Variants in FRY observed in about 807,000 individuals in gnomAD.
The protein encoded by FRY is FRY microtubule binding protein, also known as protein furry homolog.
In FRY, 128 loss-of-function variants were observed where a neutral mutation model predicts 348.4. The ratio of observed to expected loss-of-function variants is 0.37; its 90% CI spans 0.32 to 0.43. FRY has a LOEUF of 0.43. Ranked by LOEUF, FRY falls within the 20% of genes least tolerant of loss-of-function variation. The pLI is 1.00. For synonymous variants in FRY, 1,370 were observed against 1,374.7 expected (o/e 1.00, Z 0.08); for missense variants, 2,736 against 3,695.2 (o/e 0.74, Z 6.73).
chr13:32,265,554 C>T lies in FRY; in HGVS notation c.7884C>T (p.Ser2628=), dbSNP rs1359398792. The T allele has an allele frequency of 6.2e-7, 1 of 1,614,042 alleles. No individual in the cohort carries two copies. The highest frequency in any genetic ancestry group is 1.3e-5 in the African/African-American group (1 of 74,920). The part of the protein sequence containing the change: ...PAAFECSDSF[S]LDMTEGEEKG... ...CTTTTGAATGCAGCGACAGCTTTAGCCTGGACATGACTGAGGGGGAAGAAA... is the reference window on the plus strand; with the variant it reads ...CTTTTGAATGCAGCGACAGCTTTAGTCTGGACATGACTGAGGGGGAAGAAA... The change falls in exon 54 of 61, where the codon AGC becomes AGT. Residue 2628 remains serine, a synonymous_variant. Coordinates refer to ENST00000542859, the MANE Select transcript of FRY (RefSeq NM_023037.3).
rs1304139791 is a variant in FRY at position 32,171,074 on chromosome 13, T to G, written c.1955T>G (p.Leu652Arg). 2.5e-6 allele frequency: 4 copies of G among 1,612,454 alleles called. No individual in the cohort carries two copies. The Admixed American group carries it at 6.7e-5, about 27-fold the overall frequency. Residue 652 changes from leucine to arginine, a missense_variant, in exon 18 of 61, where the codon CTT (leucine) becomes CGT (arginine). By Grantham distance (102) the Leu-to-Arg change is moderately radical. Coordinates refer to ENST00000542859, the MANE Select transcript of FRY (RefSeq NM_023037.3). The part of the protein sequence containing the change: ...HIAQNSLQGL[L>R]VDFSDWREDV... ...GCACAAAATTCTCTTCAGGGTTTAC[T>G]TGTTGACTTCTCAGATTGGAGGGAA...
At chr13:32,094,959 C>G (rs1159594437) in intron 2 of FRY, among the ~76,000 whole-genome samples, 1 of 152,184 alleles carries the variant, frequency 6.6e-6, no homozygotes, top group Non-Finnish European at 1.5e-5. Flanking sequence ...AATTTACATT[C>G]CCACCAACCA....
chr13:32,223,328 C>T (rs1057271090), intron 36 of FRY, among the ~76,000 whole-genome samples: 3 of 152,144 alleles, frequency 2.0e-5, no homozygotes, highest in African/African-American at 7.2e-5. Context: ...GAATTCAACA[C>T]GATTTAATGT....
At chr13:32,146,678 A>T (rs1207836426) in intron 11 of FRY, among the ~76,000 whole-genome samples, 1 of 152,072 alleles carries the variant, frequency 6.6e-6, no homozygotes, top group African/African-American at 2.4e-5. Context: ...TGAGTTTGCC[A>T]TATGTTGCCC....
At chr13:32,180,482 G>T (rs535207769) in intron 23 of FRY, among the ~76,000 whole-genome samples, 4 of 152,258 alleles carry the variant, frequency 2.6e-5, no homozygotes, top group Admixed American at 1.3e-4. Context: ...TGATCCACCC[G>T]CCTCAGCCCC....
At position 32,178,837 on chromosome 13, in the gene FRY, T is replaced by C; in HGVS notation, c.2682-7T>C. On this transcript the variant is annotated splice_polypyrimidine_tract_variant and splice_region_variant and intron_variant, in intron 21 of 60. Transcript: ENST00000542859. ...TTTCACTCTTGTTTTCGACTCCATA[T>C]TTCTAGTAGCCCAATTAATGCCAAG... 1 of 1,601,204 alleles carries C rather than the reference T, an allele frequency of 6.2e-7. No individual in the cohort carries two copies. Among genetic ancestry groups the C allele is most frequent in the African/African-American group, 1.3e-5 (1 of 74,826 alleles).
chr13:32,109,097 A>T (rs117695936), intron 3 of FRY, among the ~76,000 whole-genome samples: 3,701 of 152,304 alleles, frequency 0.024, 55 homozygotes, highest in Non-Finnish European at 0.037. Flanking sequence ...AGGGGCCTAA[A>T]CTAAAATGGA....
chr13:32,173,275 G>T, intron 18 of FRY, 92 bp from the exon 19 acceptor site: 1 of 927,444 alleles, frequency 1.1e-6, no homozygotes, highest in Non-Finnish European at 1.8e-6. Flanking sequence ...TATTTACAAG[G>T]TCAAATGTGC....
In FRY at chr13:32,249,529, C is replaced by T. The variant is rs1566167854; in HGVS notation, c.7012C>T (p.Pro2338Ser). Residue 2338 changes from proline to serine, a missense_variant, in exon 49 of 61, where the codon CCA becomes TCA. This residue lies in a region of FRY where 789 missense variants were observed against 996.2 expected (regional missense o/e 0.79). Coordinates refer to ENST00000542859, the MANE Select transcript of FRY (RefSeq NM_023037.3). Reference protein sequence around the residue: ...LDFHFDISETPIIGRRYDELQ... With the variant: ...LDFHFDISETSIIGRRYDELQ... ...GTGCGTTTGTCTTCTTCTCAAGACT[C>T]CAATCATCGGGAGGCGGTATGATGA... 4 of 1,614,014 alleles carry T rather than the reference C, an allele frequency of 2.5e-6. No individual in the cohort carries two copies.
Position 32,237,550 on chromosome 13 carries a change from C to T in FRY, c.5982C>T (p.Ser1994=). Residue 1994 remains serine, a synonymous_variant, in exon 44 of 61, where the codon TCC becomes TCT. Coordinates refer to ENST00000542859, the MANE Select transcript of FRY (RefSeq NM_023037.3). This position sits in a 1 kb window ranked among gnomAD's most constrained non-coding sequence, Gnocchi z 6.3. ...VPKKFGVIDR[S]SDPPRSATLD... Reference sequence around the variant, plus strand: ...AGAAGTTTGGTGTCATCGACCGATCCTCTGACCCACCTCGAAGTGCCACAC... The same window carrying T: ...AGAAGTTTGGTGTCATCGACCGATCTTCTGACCCACCTCGAAGTGCCACAC... The T allele has an allele frequency of 6.2e-7, 1 of 1,614,072 alleles. No homozygotes were observed. The highest frequency in any genetic ancestry group is 8.5e-7 in the Non-Finnish European group (1 of 1,180,006).
chr13:32,086,155 G>A, intron 2 of FRY: 1 of 375,636 alleles, frequency 2.7e-6, no homozygotes, highest in Non-Finnish European at 5.2e-6. Flanking sequence ...ATAATGGCCA[G>A]GCAGCCCAAA....
chr13:32,060,387 G>A (rs999226692), intron 1 of FRY, among the ~76,000 whole-genome samples: 1 of 152,198 alleles, frequency 6.6e-6, no homozygotes, highest in Non-Finnish European at 1.5e-5. Context: ...TTAAAATCAT[G>A]TAACTATAGA....
chr13:32,162,309 T>G (rs541724104), intron 17 of FRY, among the ~76,000 whole-genome samples: 2 of 152,298 alleles, frequency 1.3e-5, no homozygotes, highest in African/African-American at 4.8e-5. Context: ...ACACATAGCC[T>G]GGTTTACTCA....
intron 30 of FRY, 88 bp from the exon 31 acceptor site, chr13:32,202,268 A>C: frequency 5.8e-6 from 6 of 1,025,838 alleles, no homozygotes; most frequent in Non-Finnish European, 9.2e-6. Flanking sequence ...TAATTTTGTT[A>C]CTTCTAACCT....
Position 32,136,914 on chromosome 13 carries a change from A to T in FRY, c.1121A>T (p.Lys374Met). 2.5e-6 allele frequency: 4 copies of T among 1,611,930 alleles called. No homozygotes were observed. Among genetic ancestry groups the T allele is most frequent in the Non-Finnish European group, 3.4e-6 (4 of 1,178,018 alleles). The change falls in exon 11 of 61, where the codon AAG becomes ATG. Residue 374 changes from lysine to methionine, a missense_variant. Physicochemically the swap from Lys to Met is moderately conservative, Grantham distance 95. Coordinates refer to ENST00000542859, the MANE Select transcript of FRY (RefSeq NM_023037.3). ...LVTCLLCVSQ[K>M]QLFLNRWHIF... The stretch of plus-strand genomic sequence containing the variant: ...ACCTGTTTGCTCTGTGTCAGTCAGA[A>T]GCAGCTGTTCCTGAACAGGTGGCAC...
chr13:32,236,160 CTGTAT>C lies in FRY; in HGVS notation c.5802_5806del (p.Leu1935ProfsTer12). On this transcript the variant is annotated frameshift_variant, in exon 43 of 61. Transcript: ENST00000542859. LOFTEE classifies it high-confidence loss of function. ...TGCTTGAAGAACAGTGACCTCCTAA[CTGTAT>C]TGTCCCGGTGAGAATCAGCTTAATG... 1 of 1,611,298 alleles carries C rather than the reference CTGTAT, an allele frequency of 6.2e-7. No homozygotes were observed. The highest frequency in any genetic ancestry group is 8.5e-7 in the Non-Finnish European group (1 of 1,177,484).
chr13:32,032,258 A>G (rs1375396183), intron 1 of FRY, among the ~76,000 whole-genome samples: 1 of 152,142 alleles, frequency 6.6e-6, no homozygotes, highest in African/African-American at 2.4e-5. Context: ...TTCTCTAAAT[A>G]TTTTGTGAAG....
intron 1 of FRY, 138 bp downstream of exon 1, chr13:32,032,003 T>G: frequency 1.6e-6 from 1 of 610,028 alleles, no homozygotes. Flanking sequence ...TCTTTTCTCT[T>G]TCTTTCTTTC....
At chr13:32,158,540 G>A (rs1013961370) in intron 16 of FRY, among the ~76,000 whole-genome samples, 81 of 152,164 alleles carry the variant, frequency 5.3e-4, no homozygotes, top group African/African-American at 1.9e-3. Context: ...CAAATTGCCA[G>A]ATTATCAATA....
Sources: gnomAD v4.1 joint callset for allele counts (sites outside exome capture counted in the v4.1 genomes callset) on GRCh38, gnomAD v4.1.1 for gene constraint, gnomAD v4.1.1 regional missense constraint, Gnocchi (gnomAD v3.1) non-coding constraint, MANE v1.5 for transcripts, NCBI Gene and HGNC (gene_info 2026-07-23, HGNC 2026-07-21) for gene names.